The following SLC6A4 variants were observed in gnomAD, a reference collection of about 807,000 sequenced individuals.
The protein encoded by SLC6A4 is solute carrier family 6 member 4, also known as sodium-dependent serotonin transporter.
In SLC6A4, 22 loss-of-function variants were observed where a neutral mutation model predicts 73.4. That is an observed-to-expected ratio of 0.30 (90% CI 0.21 to 0.43). The LOEUF (loss-of-function observed/expected upper bound fraction) is 0.43, where lower values mean the gene tolerates loss of function less well. Among genes scored for constraint, SLC6A4 ranks in the 20% least tolerant of loss-of-function variants. The pLI is 1.00. For synonymous variants in SLC6A4, 270 were observed against 315.5 expected, an observed-to-expected ratio of 0.86 and a Z score of 1.53; for missense variants, 593 against 808.5, an observed-to-expected ratio of 0.73 and a Z score of 3.23.
intron 6 of SLC6A4, 56 bp downstream of exon 6, chr17:30,217,110 T>G: frequency 6.4e-7 from 1 of 1,556,690 alleles, no homozygotes; most frequent in South Asian, 1.2e-5. Context: ...GGTTTTGAGT[T>G]TGAGAGCCTG....
Position 30,218,283 on chromosome 17 carries a change from G to A in SLC6A4, c.533C>T (p.Thr178Ile), listed in dbSNP as rs765019430. The change falls in exon 5 of 15, where the codon ACC becomes ATC. Residue 178 changes from threonine (T) to isoleucine (I), a missense_variant. Thr to Ile is a moderately conservative substitution (Grantham distance 89). Transcript: ENST00000650711. The stretch of plus-strand genomic sequence containing the variant: ...GTAGTATAGCGCCCAGGCCATGATG[G>A]TGTTGTAGTAGGAAGCAATGTAAAA... Reference protein sequence around the residue: ...IAFYIASYYNTIMAWALYYLI... With the variant: ...IAFYIASYYNIIMAWALYYLI... 6.2e-7 allele frequency: 1 copy of A among 1,614,222 alleles called. No individual in the cohort carries two copies.
rs140484986 is a variant in SLC6A4, at chr17:30,221,765, G to T, written c.194C>A (p.Ala65Glu). The T allele has an allele frequency of 1.1e-5, 17 of 1,614,034 alleles. No homozygotes were observed. The Admixed American group carries it at 1.2e-4, about 11-fold the overall frequency. The stretch of plus-strand genomic sequence containing the variant: ...CTCAGCCACTAGGGTGGTGGTGGTC[G>T]CTGGGATAGAGTGCCGTGTGTCATC... ...AGDDTRHSIP[A>E]TTTTLVAELH... The change falls in exon 3 of 15, where the codon GCG becomes GAG. Residue 65 changes from alanine (A) to glutamate (E), a missense_variant. Transcript: ENST00000650711.
intron 1 of SLC6A4, among the ~76,000 whole-genome samples, chr17:30,227,128 GCA>G (rs1906954529): frequency 6.6e-6 from 1 of 152,186 alleles, no homozygotes; most frequent in African/African-American, 2.4e-5. Flanking sequence ...TGCTGCTATT[GCA>G]CAGTTTCTCT....
In SLC6A4 at chr17:30,221,818, G is replaced by A; in HGVS notation, c.141C>T (p.Tyr47=). 1 of 1,614,202 alleles carries A rather than the reference G, an allele frequency of 6.2e-7. No homozygotes were observed. Among genetic ancestry groups the A allele is most frequent in the Non-Finnish European group, 8.5e-7 (1 of 1,180,040 alleles). ...KVESGQISNG[Y]SAVPSPGAGD... The stretch of plus-strand genomic sequence containing the variant: ...CCGCACCAGGACTTGGAACTGCTGA[G>A]TACCCATTGGATATTTGCCCGGACT... Residue 47 remains tyrosine, a synonymous_variant, in exon 3 of 15, where the codon TAC becomes TAT. Transcript: ENST00000650711.
At position 30,210,664 on chromosome 17, in the gene SLC6A4, G is replaced by A; in HGVS notation, c.1318-18C>T. The A allele has an allele frequency of 6.2e-7, 1 of 1,605,946 alleles. No homozygotes were observed. Among genetic ancestry groups the A allele is most frequent in the East Asian group, 2.2e-5 (1 of 44,584 alleles). On this transcript the variant is annotated intron_variant, in intron 10 of 14. Coordinates refer to ENST00000650711, the MANE Select transcript of SLC6A4 (RefSeq NM_001045.6). ...CCTGCAAACTGAGAGGTACAGGCAA[G>A]CAGTCACGGTGGAGGCTTTGGGACA...
intron 1 of SLC6A4, among the ~76,000 whole-genome samples, chr17:30,226,055 C>A (rs1906915808): frequency 6.6e-6 from 1 of 152,188 alleles, no homozygotes; most frequent in South Asian, 2.1e-4. Context: ...CCTATCAGTG[C>A]CTTCTAAGCA....
In SLC6A4 at chr17:30,221,165, C is replaced by T. The variant is rs192084663; in HGVS notation, c.343+451G>A. On this transcript the variant is annotated intron_variant, in intron 3 of 14. Transcript: ENST00000650711. Reference sequence around the variant, plus strand: ...CTAATTTTTATATTTTTAGTGGAGACGGGGTTTTGCCATGTTGGTCAGGCT... The same window carrying T: ...CTAATTTTTATATTTTTAGTGGAGATGGGGTTTTGCCATGTTGGTCAGGCT... Among the ~76,000 whole-genome samples the T allele has an allele frequency of 2.4e-3, 362 of 151,508 alleles. 1 individual carries two copies. Among genetic ancestry groups the T allele is most frequent in the Middle Eastern group, 0.01 (3 of 294 alleles).
chr17:30,208,380 G>T (rs147433756), intron 12 of SLC6A4, among the ~76,000 whole-genome samples: 135 of 152,224 alleles, frequency 8.9e-4, no homozygotes, highest in Non-Finnish European at 1.5e-3. Context: ...CAAGATCAAG[G>T]TTCTTCTATA....
intron 1 of SLC6A4, among the ~76,000 whole-genome samples, chr17:30,226,136 ACT>A (rs1446233913): frequency 1.3e-5 from 2 of 152,168 alleles, no homozygotes; most frequent in African/African-American, 2.4e-5. Flanking sequence ...TTCTCAGGAA[ACT>A]CAACTTTCTT....
At chr17:30,217,924 G>A (rs987135883) in intron 5 of SLC6A4, among the ~76,000 whole-genome samples, 194 bp downstream of exon 5, 3 of 152,230 alleles carry the variant, frequency 2.0e-5, no homozygotes, top group Admixed American at 6.5e-5. Context: ...AGTGCAAGGA[G>A]GCACAGCAGG....
intron 1 of SLC6A4, among the ~76,000 whole-genome samples, chr17:30,230,089 A>AGAAGAC (rs1907049754): frequency 7.5e-6 from 1 of 133,030 alleles, no homozygotes; most frequent in African/African-American, 3.4e-5. Context: ...AAGAAGAAGA[A>AGAAGAC]GAAGAAGAGG....
chr17:30,216,395 C>T (rs1279407200), intron 6 of SLC6A4, among the ~76,000 whole-genome samples, 179 bp from the exon 7 acceptor site: 2 of 152,120 alleles, frequency 1.3e-5, no homozygotes, highest in African/African-American at 4.8e-5. Context: ...AGAAAGATCA[C>T]AACCCTTGGA....
chr17:30,222,731 T>A, intron 2 of SLC6A4, 88 bp downstream of exon 2: 1 of 1,149,954 alleles, frequency 8.7e-7, no homozygotes, highest in Non-Finnish European at 1.2e-6. Context: ...TGCCTCCGGC[T>A]GTGTCCAGTC....
rs1015633366 is a variant in SLC6A4 at position 30,196,207 on chromosome 17, A to G, written c.*2249T>C. 6.6e-6 allele frequency: 1 copy of G among 152,080 alleles called. No individual in the cohort carries two copies. The highest frequency in any genetic ancestry group is 1.5e-5 in the Non-Finnish European group (1 of 68,018). The allele number at this position is 152,080 out of a possible 1,614,324, so 9.4% of individuals were successfully genotyped here. A position where few individuals can be genotyped will look rare whatever the true frequency, so the allele number is the denominator to read the frequency against. On this transcript the variant is annotated 3_prime_UTR_variant, in exon 15 of 15. Transcript: ENST00000650711. ...TTCTATTTTTAGTTTTTATTTTTCT[A>G]TAAATGCTACATATAGATATAAAAG...
intron 11 of SLC6A4, 114 bp from the exon 12 acceptor site, chr17:30,209,356 G>A (rs1414126105): frequency 4.5e-6 from 3 of 661,958 alleles, no homozygotes; most frequent in African/African-American, 1.8e-5. Flanking sequence ...TCCCACCTGG[G>A]ACCGAACGTG....
At chr17:30,216,846 TG>T (rs796976352) in intron 6 of SLC6A4, among the ~76,000 whole-genome samples, 743 of 55,032 alleles carry the variant, frequency 0.014, 3 homozygotes, top group East Asian at 0.036. Flanking sequence ...TGTTTTTTTT[TG>T]TTTGTTTGTT....
chr17:30,215,991 T>G, intron 7 of SLC6A4, 91 bp downstream of exon 7: 2 of 1,169,116 alleles, frequency 1.7e-6, no homozygotes, highest in Non-Finnish European at 2.5e-6. Flanking sequence ...TGAAGCCACA[T>G]TTCAGTTGTC....
At position 30,217,191 on chromosome 17, in the gene SLC6A4, C is replaced by T; in HGVS notation, c.812G>A (p.Trp271Ter). The T allele has an allele frequency of 1.2e-6, 2 of 1,614,050 alleles. No homozygotes were observed. The highest frequency in any genetic ancestry group is 1.7e-6 in the Non-Finnish European group (2 of 1,179,962). The change falls in exon 6 of 15, where the codon TGG becomes TAG. Residue 271 changes from tryptophan (W) to a stop codon, truncating the protein, a stop_gained. Transcript: ENST00000650711. LOFTEE classifies it high-confidence loss of function. ...CTTGCCAGAGGTCTTGACGCCTTTC[C>T]AGATGCTGAAGTAGATAACAGTGAA... Reference protein sequence around the residue: ...LIFTVIYFSIWKGVKTSGKVV... With the variant: ...LIFTVIYFSI
chr17:30,206,182 C>T (rs1041021292), intron 13 of SLC6A4: 4 of 150,072 alleles, frequency 2.7e-5, no homozygotes, highest in Non-Finnish European at 4.4e-5. Flanking sequence ...CCCATATACT[C>T]CTAATAGGCT....
Sources: gnomAD v4.1 joint callset for allele counts (sites outside exome capture counted in the v4.1 genomes callset) on GRCh38, gnomAD v4.1.1 for gene constraint, MANE v1.5 for transcripts, NCBI Gene and HGNC (gene_info 2026-07-23, HGNC 2026-07-21) for gene names.